MBP: variants seen among roughly 807,000 people sequenced by gnomAD.
MBP encodes Golli-MBP.
In MBP, 16 loss-of-function variants were observed where a neutral mutation model predicts 35.8. The observed-to-expected ratio is 0.45, with a 90% CI of 0.30 to 0.68. The LOEUF is 0.68. Ranked by LOEUF, MBP falls within the 30% of genes least tolerant of loss-of-function variation. The pLI is 0.08. For synonymous variants in MBP, 143 were observed against 159.6 expected, an observed-to-expected ratio of 0.90 and a Z score of 0.78; for missense variants, 380 against 404.7, an observed-to-expected ratio of 0.94 and a Z score of 0.52.
intron 1 of MBP, among the ~76,000 whole-genome samples, chr18:77,124,571 G>C (rs2145237348): frequency 6.6e-6 from 1 of 152,302 alleles, no homozygotes; most frequent in South Asian, 2.1e-4. Flanking sequence ...CACTGGCCTG[G>C]GTGCCTGTCT....
intron 4 of MBP, among the ~76,000 whole-genome samples, chr18:77,000,669 G>T (rs971907893): frequency 6.6e-6 from 1 of 152,224 alleles, no homozygotes; most frequent in Non-Finnish European, 1.5e-5. Flanking sequence ...GCTGCCCGCC[G>T]CCTGTTTCTC....
intron 2 of MBP, among the ~76,000 whole-genome samples, chr18:77,098,950 C>T (rs1189225309): frequency 6.6e-6 from 1 of 151,132 alleles, no homozygotes; most frequent in Non-Finnish European, 1.5e-5. Context: ...CTCCTTCTCA[C>T]TCCTCCTTCC....
chr18:76,985,556 C>G (rs924923484), intron 7 of MBP: 1 of 1,103,866 alleles, frequency 9.1e-7, no homozygotes, highest in Admixed American at 4.5e-5. Flanking sequence ...GGCCATAGCT[C>G]GGACTGGGAG....
At chr18:76,985,034 C>T in intron 7 of MBP, 140 bp from the exon 8 acceptor site, 1 of 1,496,386 alleles carries the variant, frequency 6.7e-7, no homozygotes, top group Non-Finnish European at 9.0e-7. Context: ...AGCCACGGGC[C>T]AGCACCACGC....
intron 4 of MBP, among the ~76,000 whole-genome samples, chr18:77,009,525 G>A (rs375902404): frequency 1.3e-5 from 2 of 152,212 alleles, no homozygotes; most frequent in South Asian, 2.1e-4. Flanking sequence ...GCCCCTCCAC[G>A]CACTTCAGGC....
chr18:77,101,765 A>G lies in MBP; in HGVS notation c.51+3446T>C, dbSNP rs1375603334. On this transcript the variant is annotated intron_variant, in intron 2 of 8. Transcript: ENST00000355994. This position sits in a 1 kb window ranked among gnomAD's most constrained non-coding sequence, Gnocchi z 4.3. The stretch of plus-strand genomic sequence containing the variant: ...GGGATGAGAGAGAAGCAAATTTCAA[A>G]GCCCTGAGTCACTGAGGGCAAAACT... Among the ~76,000 whole-genome samples, 1 of 152,122 alleles carries G rather than the reference A, an allele frequency of 6.6e-6. No individual in the cohort carries two copies. The highest frequency in any genetic ancestry group is 1.5e-5 in the Non-Finnish European group (1 of 68,024).
intron 3 of MBP, among the ~76,000 whole-genome samples, chr18:77,054,041 C>T (rs1396271142): frequency 2.0e-5 from 3 of 152,366 alleles, no homozygotes; most frequent in South Asian, 2.1e-4. Flanking sequence ...TGAGTGGACG[C>T]GATGACTGCC....
At chr18:77,099,478 A>G (rs550180049) in intron 2 of MBP, among the ~76,000 whole-genome samples, 3 of 152,354 alleles carry the variant, frequency 2.0e-5, no homozygotes, top group Admixed American at 2.0e-4. Flanking sequence ...TCTTAGGTTA[A>G]AGAAAAGACA....
In MBP at chr18:76,989,772, G is replaced by A. The variant is rs899412249; in HGVS notation, c.681+184C>T. On this transcript the variant is annotated intron_variant, in intron 5 of 8. Transcript: ENST00000355994. This position sits in a 1 kb window ranked among gnomAD's most constrained non-coding sequence, Gnocchi z 4.0. ...CACGGTGCAATCCGTGGCAGATACA[G>A]TCGGGAAGCGCTTGCCTGGAACTCG... 1 of 602,070 alleles carries A rather than the reference G, an allele frequency of 1.7e-6. No individual in the cohort carries two copies. The highest frequency in any genetic ancestry group is 3.0e-6 in the Non-Finnish European group (1 of 333,670). 37.3% of individuals were successfully genotyped at this position (602,070 alleles called of 1,614,324 possible). A position where few individuals can be genotyped will look rare whatever the true frequency, so the allele number is the denominator to read the frequency against.
At chr18:77,032,223 G>A (rs867437749) in intron 3 of MBP, among the ~76,000 whole-genome samples, 5 of 152,192 alleles carry the variant, frequency 3.3e-5, no homozygotes, top group Non-Finnish European at 4.4e-5. Flanking sequence ...GTGTCACGGC[G>A]CGCTGTGCTT....
At chr18:77,022,966 A>C (rs1754984377) in intron 3 of MBP, among the ~76,000 whole-genome samples, 1 of 152,230 alleles carries the variant, frequency 6.6e-6, no homozygotes, top group Non-Finnish European at 1.5e-5. Context: ...GCATTATTAC[A>C]CAATTAGTGA....
intron 2 of MBP, chr18:77,097,595 T>C (rs560973712): frequency 6.6e-6 from 1 of 152,286 alleles, no homozygotes; most frequent in African/African-American, 2.4e-5. Flanking sequence ...CCTGAGACAA[T>C]TCCAACCTGT....
intron 3 of MBP, among the ~76,000 whole-genome samples, chr18:77,052,239 G>A (rs1260534899): frequency 1.3e-5 from 2 of 152,202 alleles, no homozygotes. Context: ...AATCACAAAT[G>A]TGAACTTTAC....
At chr18:77,053,037 C>T (rs1455575690) in intron 3 of MBP, among the ~76,000 whole-genome samples, 1 of 152,234 alleles carries the variant, frequency 6.6e-6, no homozygotes, top group African/African-American at 2.4e-5. Flanking sequence ...TTTTAGTTTC[C>T]TGCTAAATAG....
intron 2 of MBP, among the ~76,000 whole-genome samples, chr18:77,095,143 G>C (rs1975705026): frequency 6.6e-6 from 1 of 152,166 alleles, no homozygotes; most frequent in South Asian, 2.1e-4. Flanking sequence ...GTGTGAAAGA[G>C]TTCTAAACTC....
chr18:77,016,195 G>C, intron 4 of MBP: 2 of 976,804 alleles, frequency 2.0e-6, no homozygotes, highest in Non-Finnish European at 2.4e-6. Context: ...ATTTGCTTTT[G>C]AATAAAGAAA....
chr18:77,036,754 T>A (rs12955437), intron 3 of MBP, among the ~76,000 whole-genome samples: 91 of 116,432 alleles, frequency 7.8e-4, no homozygotes, highest in East Asian at 2.3e-3. Flanking sequence ...TTTTGGAGAC[T>A]GAGCTGAGCA....
intron 3 of MBP, among the ~76,000 whole-genome samples, chr18:77,050,044 T>C (rs569596598): frequency 2.6e-5 from 4 of 152,232 alleles, no homozygotes; most frequent in Non-Finnish European, 5.9e-5. Flanking sequence ...AAGTGCTATT[T>C]TCATTTTTTA....
chr18:77,085,717 C>A (rs1469158405), intron 2 of MBP, among the ~76,000 whole-genome samples: 13 of 130,592 alleles, frequency 1.0e-4, no homozygotes, highest in African/African-American at 3.4e-4. Context: ...CAGAGTCTTG[C>A]TCTGTCACCC....
Sources: gnomAD v4.1 joint callset for allele counts (sites outside exome capture counted in the v4.1 genomes callset) on GRCh38, gnomAD v4.1.1 for gene constraint, Gnocchi (gnomAD v3.1) non-coding constraint, MANE v1.5 for transcripts, NCBI Gene and HGNC (gene_info 2026-07-23, HGNC 2026-07-21) for gene names.